The following ITSN1 variants were observed in gnomAD, a reference collection of about 807,000 sequenced individuals.
ITSN1 encodes the protein intersectin 1, also known as intersectin-1.
In ITSN1, 58 loss-of-function variants were observed where a neutral mutation model predicts 239.8. The observed-to-expected ratio is 0.24, with a 90% CI of 0.20 to 0.30. The LOEUF is 0.30. Among genes scored for constraint, ITSN1 ranks in the 10% least tolerant of loss-of-function variants. The pLI is 1.00. For synonymous variants in ITSN1, 780 were observed against 770.8 expected (o/e 1.01, Z -0.20); for missense variants, 1,558 against 2,103.3 (o/e 0.74, Z 5.07).
intron 1 of ITSN1, among the ~76,000 whole-genome samples, chr21:33,655,394 T>C (rs2088956087): frequency 6.6e-6 from 1 of 152,146 alleles, no homozygotes; most frequent in Non-Finnish European, 1.5e-5. Flanking sequence ...GTCTGAATTC[T>C]GTTCAAGTGT....
intron 31 of ITSN1, among the ~76,000 whole-genome samples, chr21:33,860,883 G>A (rs1295023470): frequency 2.0e-5 from 3 of 152,142 alleles, no homozygotes; most frequent in African/African-American, 4.8e-5. Context: ...TACCATGCAC[G>A]GTCATTCTGA....
chr21:33,745,566 C>A (rs747894128), intron 5 of ITSN1, among the ~76,000 whole-genome samples: 49 of 152,296 alleles, frequency 3.2e-4, no homozygotes, highest in Non-Finnish European at 5.9e-4. Context: ...TGCATTCTTT[C>A]CTGGGCATTT....
In ITSN1 at chr21:33,882,181, C is replaced by T; in HGVS notation, c.4342-62C>T. On this transcript the variant is annotated intron_variant, in intron 34 of 39. Coordinates refer to ENST00000381318, the MANE Select transcript of ITSN1 (RefSeq NM_003024.3). This position sits in a 1 kb window ranked among gnomAD's most constrained non-coding sequence, Gnocchi z 4.5. ...GCCTGGCCTCTGATTCTGATGGAGC[C>T]CATGCTTTCAGATGCGGAGAAACAA... 7.0e-7 allele frequency: 1 copy of T among 1,420,336 alleles called. No homozygotes were observed. The highest frequency in any genetic ancestry group is 9.8e-7 in the Non-Finnish European group (1 of 1,021,212). The allele number at this position is 1,420,336 out of a possible 1,614,324, so 88.0% of individuals were successfully genotyped here.
At chr21:33,862,741 C>T (rs971681185) in intron 31 of ITSN1, among the ~76,000 whole-genome samples, 4 of 152,224 alleles carry the variant, frequency 2.6e-5, no homozygotes, top group Non-Finnish European at 5.9e-5. Context: ...CCAGGGTTAC[C>T]TCTGTCACCT....
At chr21:33,719,445 T>C (rs917357345) in intron 2 of ITSN1, among the ~76,000 whole-genome samples, 32 of 152,222 alleles carry the variant, frequency 2.1e-4, no homozygotes, top group Non-Finnish European at 2.9e-4. Flanking sequence ...CATCTCTAAA[T>C]AAACAAACAA....
intron 16 of ITSN1, among the ~76,000 whole-genome samples, chr21:33,790,746 C>T (rs1404509631): frequency 3.3e-5 from 5 of 152,126 alleles, no homozygotes; most frequent in African/African-American, 1.2e-4. Flanking sequence ...ATCAAGTTGC[C>T]TACCAGGAAA....
rs1985153264 is a variant in ITSN1 at position 33,882,847 on chromosome 21, C to T, written c.4554+392C>T. On this transcript the variant is annotated intron_variant, in intron 35 of 39. Coordinates refer to ENST00000381318, the MANE Select transcript of ITSN1 (RefSeq NM_003024.3). This position sits in a 1 kb window ranked among gnomAD's most constrained non-coding sequence, Gnocchi z 4.5. ...TCCTAAGTCCCCTGCCAGACTTCTC[C>T]AGGTAGCTTGAAACATCCGAGCCCC... 6.6e-6 allele frequency among the ~76,000 whole-genome samples: 1 copy of T among 152,204 alleles called. No homozygotes were observed. Among genetic ancestry groups the T allele is most frequent in the African/African-American group, 2.4e-5 (1 of 41,440 alleles).
intron 1 of ITSN1, among the ~76,000 whole-genome samples, chr21:33,664,877 T>C (rs1568878289): frequency 6.6e-6 from 1 of 151,356 alleles, no homozygotes; most frequent in African/African-American, 2.4e-5. Flanking sequence ...TTCCATCATC[T>C]GGAAGCTTCG....
chr21:33,784,783 A>C (rs1416149790), intron 16 of ITSN1, among the ~76,000 whole-genome samples: 1 of 152,146 alleles, frequency 6.6e-6, no homozygotes. Flanking sequence ...AAAATGAAAT[A>C]CTTTTTTTGT....
At chr21:33,841,068 G>C (rs1278219051) in intron 29 of ITSN1, among the ~76,000 whole-genome samples, 3 of 152,172 alleles carry the variant, frequency 2.0e-5, no homozygotes, top group African/African-American at 7.2e-5. Context: ...CTGCATAAAA[G>C]GGTGTCTGGG....
In ITSN1 at chr21:33,829,605, G is replaced by A. The variant is rs534773838; in HGVS notation, c.3230-19G>A. 1.2e-6 allele frequency: 2 copies of A among 1,611,802 alleles called. No homozygotes were observed. Among genetic ancestry groups the A allele is most frequent in the South Asian group, 1.1e-5 (1 of 90,974 alleles). On this transcript the variant is annotated intron_variant, in intron 26 of 39. Coordinates refer to ENST00000381318, the MANE Select transcript of ITSN1 (RefSeq NM_003024.3). ...CTGACTCTTAACAGTGCACTGCCGTGTTTGATCTTGTTTTTCAGAAATTGC... is the reference window on the plus strand; with the variant it reads ...CTGACTCTTAACAGTGCACTGCCGTATTTGATCTTGTTTTTCAGAAATTGC...
chr21:33,784,171 T>A (rs535041554), intron 16 of ITSN1, among the ~76,000 whole-genome samples: 8 of 152,102 alleles, frequency 5.3e-5, no homozygotes, highest in Non-Finnish European at 1.2e-4. Context: ...ATATGATGAG[T>A]TTAAAAAAAA....
chr21:33,812,210 T>C (rs2072962524), intron 21 of ITSN1, among the ~76,000 whole-genome samples: 1 of 152,206 alleles, frequency 6.6e-6, no homozygotes, highest in South Asian at 2.1e-4. Context: ...ACTCTTTTGG[T>C]CTTGACTGAA....
chr21:33,662,170 A>G (rs2146273714), intron 1 of ITSN1, among the ~76,000 whole-genome samples: 1 of 151,874 alleles, frequency 6.6e-6, no homozygotes, highest in Admixed American at 6.6e-5. Flanking sequence ...TTTACAGTTT[A>G]TTTCCCTTCT....
chr21:33,838,980 T>C (rs966585004), intron 29 of ITSN1, among the ~76,000 whole-genome samples: 3 of 152,230 alleles, frequency 2.0e-5, no homozygotes, highest in Non-Finnish European at 2.9e-5. Context: ...AGCGTCCACA[T>C]TGATGCCACT....
In ITSN1 at chr21:33,890,489, T is replaced by C. The variant is rs935548719; in HGVS notation, c.*2189T>C. ...CATGAGAAAGCAATATGTGACTCTT[T>C]TTCCTCAAGTGACTCTGTTGAGCAT... On this transcript the variant is annotated 3_prime_UTR_variant, in exon 40 of 40. Transcript: ENST00000381318. 5 of 152,228 alleles carry C rather than the reference T, an allele frequency of 3.3e-5. No individual in the cohort carries two copies. Among genetic ancestry groups the C allele is most frequent in the African/African-American group, 1.2e-4 (5 of 41,472 alleles). 9.4% of individuals were successfully genotyped at this position (152,228 alleles called of 1,614,324 possible).
Position 33,897,611 on chromosome 21 carries a change from T to C in ITSN1, c.*9311T>C, listed in dbSNP as rs1986857871. 1 of 152,246 alleles carries C rather than the reference T, an allele frequency of 6.6e-6. No homozygotes were observed. The highest frequency in any genetic ancestry group is 1.5e-5 in the Non-Finnish European group (1 of 68,044). 9.4% of individuals were successfully genotyped at this position (152,246 alleles called of 1,614,324 possible). On this transcript the variant is annotated 3_prime_UTR_variant, in exon 40 of 40. Coordinates refer to ENST00000381318, the MANE Select transcript of ITSN1 (RefSeq NM_003024.3). Reference sequence around the variant, plus strand: ...TTTATGGAATGGCCATGACTAAATGTATATATGGTATGTAAGAGGCCATGC... The same window carrying C: ...TTTATGGAATGGCCATGACTAAATGCATATATGGTATGTAAGAGGCCATGC...
intron 16 of ITSN1, among the ~76,000 whole-genome samples, chr21:33,793,949 G>GT (rs2148010702): frequency 6.6e-6 from 1 of 152,338 alleles, no homozygotes; most frequent in African/African-American, 2.4e-5. Flanking sequence ...TTCAAAGCCA[G>GT]TAAAGGTTGG....
intron 32 of ITSN1, among the ~76,000 whole-genome samples, chr21:33,867,026 G>A (rs1981727134): frequency 6.6e-6 from 1 of 152,146 alleles, no homozygotes; most frequent in African/African-American, 2.4e-5. Context: ...TGCTGGCTGA[G>A]TCACATCTGT....
Sources: allele counts gnomAD v4.1 joint callset (sites outside exome capture counted in the v4.1 genomes callset), GRCh38; gene constraint gnomAD v4.1.1; non-coding constraint Gnocchi (gnomAD v3.1); transcripts MANE v1.5; gene names NCBI Gene and HGNC (gene_info 2026-07-23, HGNC 2026-07-21).